VAC14: variants seen among roughly 807,000 people sequenced by gnomAD.
VAC14 encodes protein VAC14 homolog.
Under a neutral mutation model 85.3 loss-of-function variants are expected in VAC14, and 47 were observed. The observed-to-expected ratio is 0.55, with a 90% CI of 0.44 to 0.70. The LOEUF (loss-of-function observed/expected upper bound fraction) is 0.70, where lower values mean the gene tolerates loss of function less well. Among genes scored for constraint, VAC14 ranks in the 30% least tolerant of loss-of-function variants. The pLI, the probability that VAC14 is intolerant of heterozygous loss-of-function variation, is 0.00. For missense variants in VAC14, 861 were observed against 1,004.3 expected (o/e 0.86, Z 1.93); for synonymous variants, 447 against 430.5 (o/e 1.04, Z -0.47).
chr16:70,792,705 T>C (rs184240127), intron 1 of VAC14, among the ~76,000 whole-genome samples: 3 of 152,278 alleles, frequency 2.0e-5, no homozygotes, highest in Admixed American at 2.0e-4. Flanking sequence ...ACATCTGGAC[T>C]TTCATGAGCC....
chr16:70,690,463 C>T (rs2053576682), intron 18 of VAC14: 3 of 985,524 alleles, frequency 3.0e-6, no homozygotes, highest in Non-Finnish European at 2.4e-6. Context: ...CTCTTGCCAT[C>T]CCACCCATGC....
intron 10 of VAC14, 29 bp downstream of exon 10, chr16:70,772,079 CA>C: frequency 6.2e-7 from 1 of 1,611,628 alleles, no homozygotes; most frequent in Non-Finnish European, 8.5e-7. Context: ...TCGCTTTCCA[CA>C]AACCTTCTGG....
At chr16:70,767,295 TCTAA>T in intron 10 of VAC14, among the ~76,000 whole-genome samples, 1 of 152,330 alleles carries the variant, frequency 6.6e-6, no homozygotes, top group African/African-American at 2.4e-5. Context: ...TTCTGTAACG[TCTAA>T]CTTTTTACAG....
intron 12 of VAC14, among the ~76,000 whole-genome samples, chr16:70,756,389 G>C (rs759859811): frequency 1.1e-4 from 17 of 152,202 alleles, no homozygotes; most frequent in Non-Finnish European, 2.4e-4. Flanking sequence ...AACCTCCTGA[G>C]TTTTTCCGAT....
chr16:70,729,539 T>C (rs1184604271), intron 14 of VAC14, among the ~76,000 whole-genome samples: 1 of 152,148 alleles, frequency 6.6e-6, no homozygotes, highest in East Asian at 1.9e-4. Context: ...TTCAGGCTCC[T>C]GCAGCGGCTC....
chr16:70,778,416 C>T (rs886205400), intron 9 of VAC14: 6 of 152,014 alleles, frequency 3.9e-5, no homozygotes, highest in Non-Finnish European at 8.8e-5. Flanking sequence ...GAGGAATAGG[C>T]ACTGACTTTT....
At chr16:70,700,900 G>A (rs1876215268) in intron 14 of VAC14, among the ~76,000 whole-genome samples, 2 of 152,218 alleles carry the variant, frequency 1.3e-5, no homozygotes, top group South Asian at 4.1e-4. Context: ...CAGGGATCCA[G>A]GCCGGCAGGC....
intron 9 of VAC14, chr16:70,779,148 C>T (rs1019582214): frequency 6.6e-6 from 1 of 152,240 alleles, no homozygotes; most frequent in African/African-American, 2.4e-5. Flanking sequence ...TGTTTTGTTG[C>T]TCTGATTCAC....
Position 70,719,244 on chromosome 16 carries a change from C to T in VAC14, c.1661+12251G>A, listed in dbSNP as rs75012928. Among the ~76,000 whole-genome samples the T allele has an allele frequency of 4.9e-4, 75 of 152,304 alleles. No individual in the cohort carries two copies. The East Asian group carries it at 0.012, about 25-fold the overall frequency. ...TTCCAGGTGGATCATGCTCAGCATC[C>T]GCTTACTGGGAATGCGGAACAATCA... On this transcript the variant is annotated intron_variant, in intron 14 of 18. Transcript: ENST00000261776.
chr16:70,716,023 G>A (rs1346361423), intron 14 of VAC14: 1 of 152,224 alleles, frequency 6.6e-6, no homozygotes, highest in Non-Finnish European at 1.5e-5. Context: ...CGGAGCCTGA[G>A]GAGAGGGGAA....
intron 10 of VAC14, chr16:70,769,694 C>A (rs2033073801): frequency 1.3e-5 from 2 of 152,220 alleles, no homozygotes; most frequent in Admixed American, 6.5e-5. Context: ...CACTTCCTGG[C>A]CTTGGCACAA....
intron 12 of VAC14, among the ~76,000 whole-genome samples, chr16:70,758,916 G>C (rs2032088908): frequency 6.6e-6 from 1 of 152,186 alleles, no homozygotes; most frequent in Non-Finnish European, 1.5e-5. Flanking sequence ...GGAGCAGGTG[G>C]TGCTGAGGAA....
intron 1 of VAC14, among the ~76,000 whole-genome samples, chr16:70,794,235 T>C (rs1198682972): frequency 2.6e-5 from 4 of 152,174 alleles, no homozygotes; most frequent in Admixed American, 6.5e-5. Flanking sequence ...CCGTCAATTG[T>C]AGAACATTTT....
intron 17 of VAC14, 26 bp downstream of exon 17, chr16:70,695,518 G>C (rs756852328): frequency 1.2e-6 from 2 of 1,611,944 alleles, no homozygotes; most frequent in Admixed American, 3.3e-5. Flanking sequence ...CTCATGGCGC[G>C]AGGTGTGGTG....
At chr16:70,769,126 A>AT (rs1014358386) in intron 10 of VAC14, 25 of 190,758 alleles carry the variant, frequency 1.3e-4, no homozygotes, top group Middle Eastern at 2.4e-3. Flanking sequence ...GTGGATGTGC[A>AT]TTTTTTTTGG....
chr16:70,800,434 G>A, intron 1 of VAC14, among the ~76,000 whole-genome samples: 1 of 152,310 alleles, frequency 6.6e-6, no homozygotes, highest in Non-Finnish European at 1.5e-5. Context: ...AAATTCTCCG[G>A]CTTCTGACTT....
rs113711801 is a variant in VAC14 at position 70,796,322 on chromosome 16, T to C, written c.104+4475A>G. ...GTGTCTGAGAGGCCTGTCATCATGATACAATCCCCTCTTATTAGTGGTTTT... is the reference window on the plus strand; with the variant it reads ...GTGTCTGAGAGGCCTGTCATCATGACACAATCCCCTCTTATTAGTGGTTTT... On this transcript the variant is annotated intron_variant, in intron 1 of 18. Coordinates refer to ENST00000261776, the MANE Select transcript of VAC14 (RefSeq NM_018052.5). Among the ~76,000 whole-genome samples, 126 of 152,312 alleles carry C rather than the reference T, an allele frequency of 8.3e-4. 1 individual carries two copies. The highest frequency in any genetic ancestry group is 2.8e-3 in the African/African-American group (115 of 41,574).
At chr16:70,712,197 C>T (rs2054049477) in intron 14 of VAC14, among the ~76,000 whole-genome samples, 1 of 152,136 alleles carries the variant, frequency 6.6e-6, no homozygotes, top group African/African-American at 2.4e-5. Flanking sequence ...GAAATCTTCC[C>T]TGGATTAAAC....
At chr16:70,700,834 T>G (rs978862899) in intron 14 of VAC14, among the ~76,000 whole-genome samples, 1 of 152,226 alleles carries the variant, frequency 6.6e-6, no homozygotes, top group African/African-American at 2.4e-5. Context: ...CGCCGGCAGC[T>G]GGTGCCGTCT....
Sources: allele counts gnomAD v4.1 joint callset (sites outside exome capture counted in the v4.1 genomes callset), GRCh38; gene constraint gnomAD v4.1.1; transcripts MANE v1.5; gene names NCBI Gene and HGNC (gene_info 2026-07-23, HGNC 2026-07-21).